The following AXL variants were observed in gnomAD, a reference collection of about 807,000 sequenced individuals.
The protein encoded by AXL is tyrosine-protein kinase receptor UFO.
Under a neutral mutation model 104.5 loss-of-function variants are expected in AXL, and 52 were observed. The observed-to-expected ratio is 0.50, with a 90% CI of 0.40 to 0.63. AXL has a LOEUF of 0.63. Ranked by LOEUF, AXL falls within the 20% of genes least tolerant of loss-of-function variation. The probability of loss-of-function intolerance (pLI) is 0.00; values close to 1 mark genes in which losing one functional copy is unlikely to be tolerated. For synonymous variants in AXL, 455 were observed against 473.7 expected (o/e 0.96, Z 0.51); for missense variants, 1,024 against 1,188.5 (o/e 0.86, Z 2.04).
chr19:41,226,495 T>C (rs2033884117), intron 4 of AXL, among the ~76,000 whole-genome samples: 1 of 152,198 alleles, frequency 6.6e-6, no homozygotes, highest in African/African-American at 2.4e-5. Flanking sequence ...AAGCCGCGAC[T>C]GAGGAGCTCC....
chr19:41,259,536 T>A lies in AXL; in HGVS notation c.2334-17T>A. On this transcript the variant is annotated splice_polypyrimidine_tract_variant and intron_variant, in intron 19 of 19. Coordinates refer to ENST00000301178, the MANE Select transcript of AXL (RefSeq NM_021913.5). ...GAGTCCCTGCTCAATCTCCCACCCCTCATTTTGCTGCCCTAGGTATGCCTT... is the reference window on the plus strand; with the variant it reads ...GAGTCCCTGCTCAATCTCCCACCCCACATTTTGCTGCCCTAGGTATGCCTT... 1 of 1,567,606 alleles carries A rather than the reference T, an allele frequency of 6.4e-7. No homozygotes were observed. The highest frequency in any genetic ancestry group is 8.7e-7 in the Non-Finnish European group (1 of 1,153,026).
At chr19:41,233,367 T>C (rs1453321705) in intron 6 of AXL, among the ~76,000 whole-genome samples, 1 of 151,478 alleles carries the variant, frequency 6.6e-6, no homozygotes, top group Admixed American at 6.6e-5. Context: ...CAACCCCATC[T>C]GCTTGTCGTT....
intron 17 of AXL, among the ~76,000 whole-genome samples, chr19:41,254,951 T>C (rs543118534): frequency 6.6e-6 from 1 of 152,322 alleles, no homozygotes; most frequent in East Asian, 1.9e-4. Flanking sequence ...CACTAAAATA[T>C]ACACATGCAG....
At chr19:41,230,877 G>T in intron 4 of AXL, 90 bp from the exon 5 acceptor site, 1 of 1,377,350 alleles carries the variant, frequency 7.3e-7, no homozygotes. Flanking sequence ...CCCCTGGTCA[G>T]GCAGGCCATG....
At chr19:41,248,490 T>C in intron 12 of AXL, 24 bp from the exon 13 acceptor site, 1 of 1,612,702 alleles carries the variant, frequency 6.2e-7, no homozygotes, top group South Asian at 1.1e-5. Flanking sequence ...TCCATGACTC[T>C]GTCCACCCCA....
intron 4 of AXL, among the ~76,000 whole-genome samples, chr19:41,228,428 C>T (rs908425551): frequency 2.0e-5 from 3 of 152,062 alleles, no homozygotes; most frequent in African/African-American, 7.3e-5. Context: ...GTGGCGCGCT[C>T]CTGTAATCCC....
chr19:41,224,541 C>T (rs1385408009), intron 4 of AXL, among the ~76,000 whole-genome samples: 2 of 152,096 alleles, frequency 1.3e-5, no homozygotes, highest in Admixed American at 1.3e-4. Flanking sequence ...TGCCACCATA[C>T]CCAGATAGTT....
intron 17 of AXL, among the ~76,000 whole-genome samples, chr19:41,255,515 A>G (rs750334803): frequency 6.6e-6 from 1 of 150,918 alleles, no homozygotes; most frequent in African/African-American, 2.4e-5. Context: ...ATCATAGCTC[A>G]CTGTAGCCTC....
At chr19:41,219,636 A>C (rs1568406610) in intron 1 of AXL, among the ~76,000 whole-genome samples, 159 bp downstream of exon 1, 1 of 151,770 alleles carries the variant, frequency 6.6e-6, no homozygotes, top group African/African-American at 2.4e-5. Flanking sequence ...ACACAGACTC[A>C]GAGACACCAA....
Position 41,222,009 on chromosome 19 carries a change from T to A in AXL, c.539T>A (p.Leu180Gln). The A allele has an allele frequency of 6.2e-7, 1 of 1,605,220 alleles. No homozygotes were observed. The highest frequency in any genetic ancestry group is 8.5e-7 in the Non-Finnish European group (1 of 1,176,714). Residue 180 changes from leucine to glutamine, a missense_variant, in exon 4 of 20, where the codon CTG becomes CAG. Leu to Gln is a moderately radical substitution (Grantham distance 113, BLOSUM62 -2). Coordinates refer to ENST00000301178, the MANE Select transcript of AXL (RefSeq NM_021913.5). ...DLLWLQDAVPLATAPGHGPQR... is the reference protein window; with the variant it reads ...DLLWLQDAVPQATAPGHGPQR... The stretch of plus-strand genomic sequence containing the variant: ...CTCTGGCTCCAGGATGCTGTCCCCC[T>A]GGCCACGGCTCCAGGTCACGGCCCC...
At chr19:41,258,956 C>T (rs1474858564) in intron 19 of AXL, among the ~76,000 whole-genome samples, 4 of 152,214 alleles carry the variant, frequency 2.6e-5, no homozygotes, top group Non-Finnish European at 5.9e-5. Context: ...AGGTGGCTTA[C>T]TCACATGGCT....
At position 41,219,330 on chromosome 19, in the gene AXL, C is replaced by T; in HGVS notation, c.-63C>T. 1.0e-5 allele frequency: 15 copies of T among 1,471,914 alleles called. No individual in the cohort carries two copies. Among genetic ancestry groups the T allele is most frequent in the Non-Finnish European group, 1.3e-5 (14 of 1,085,946 alleles). 91.2% of individuals were successfully genotyped at this position (1,471,914 alleles called of 1,614,324 possible). A position where few individuals can be genotyped will look rare whatever the true frequency, so the allele number is the denominator to read the frequency against. On this transcript the variant is annotated 5_prime_UTR_variant, in exon 1 of 20. Coordinates refer to ENST00000301178, the MANE Select transcript of AXL (RefSeq NM_021913.5). ...CTGGAGCTGGGGGGAGGGCCGGGGA[C>T]AGCCCGGCCCTGCCCCCTCCCCCGC...
rs532768963 is a variant in AXL, at chr19:41,219,461, G to A, written c.69G>A (p.Ala23=). 2.9e-5 allele frequency: 47 copies of A among 1,606,140 alleles called. No individual in the cohort carries two copies. The highest frequency in any genetic ancestry group is 1.9e-4 in the South Asian group (17 of 89,502). The change falls in exon 1 of 20, where the codon GCG becomes GCA. Residue 23 remains alanine (A), a synonymous_variant. Transcript: ENST00000301178. ...LAWCLALCGW[A]CMAPRGTQAE... ...GGTGCTTGGCGCTGTGCGGCTGGGC[G>A]TGCATGGCCCCCAGGGGTGAGTGAT...
At chr19:41,250,061 C>G (rs1309244907) in intron 14 of AXL, among the ~76,000 whole-genome samples, 1 of 152,194 alleles carries the variant, frequency 6.6e-6, no homozygotes, top group Non-Finnish European at 1.5e-5. Context: ...AGGCAAATGA[C>G]TTTCCCTCTC....
At chr19:41,226,921 C>A in intron 4 of AXL, 1 of 444,534 alleles carries the variant, frequency 2.2e-6, no homozygotes, top group Non-Finnish European at 3.0e-6. Flanking sequence ...TGGTGAGACT[C>A]TCCTCTTCTC....
In AXL at chr19:41,256,338, A is replaced by T. The variant is rs954824485; in HGVS notation, c.2037-114A>T. 6 of 1,268,582 alleles carry T rather than the reference A, an allele frequency of 4.7e-6. No homozygotes were observed. The African/African-American group carries it at 7.3e-5, about 16-fold the overall frequency. The allele number at this position is 1,268,582 out of a possible 1,614,324, so 78.6% of individuals were successfully genotyped here. A position where few individuals can be genotyped will look rare whatever the true frequency, so the allele number is the denominator to read the frequency against. On this transcript the variant is annotated intron_variant, in intron 17 of 19. Coordinates refer to ENST00000301178, the MANE Select transcript of AXL (RefSeq NM_021913.5). ...ATGAAGGTTTAGGAGACAGATCCCC[A>T]CCCGCAGCCAGGACAGTGAGGGGAG...
At chr19:41,258,178 G>A (rs993357472) in intron 19 of AXL, among the ~76,000 whole-genome samples, 2 of 152,222 alleles carry the variant, frequency 1.3e-5, no homozygotes, top group African/African-American at 4.8e-5. Context: ...GGTAAAGAGA[G>A]GATGACTTTG....
At position 41,243,613 on chromosome 19, in the gene AXL, C is replaced by CA; in HGVS notation, c.1446-2dup. The CA allele has an allele frequency of 1.2e-6, 2 of 1,613,750 alleles. No individual in the cohort carries two copies. The highest frequency in any genetic ancestry group is 1.7e-6 in the Non-Finnish European group (2 of 1,179,660). On this transcript the variant is annotated splice_polypyrimidine_tract_variant and splice_region_variant and intron_variant, in intron 11 of 19. Coordinates refer to ENST00000301178, the MANE Select transcript of AXL (RefSeq NM_021913.5). ...GCCCTCACCTACTCCCCCTCCCCCC[C>CA]AGAGAAGTGTTTGAACCAACAGTGG... is the stretch of plus-strand genomic sequence containing the variant.
chr19:41,246,923 A>G (rs1237043035), intron 12 of AXL, among the ~76,000 whole-genome samples: 1 of 152,146 alleles, frequency 6.6e-6, no homozygotes, highest in Non-Finnish European at 1.5e-5. Context: ...CTAGTCCTCA[A>G]TAATTCTAAC....
Sources: gnomAD v4.1 joint callset for allele counts (sites outside exome capture counted in the v4.1 genomes callset) on GRCh38, gnomAD v4.1.1 for gene constraint, MANE v1.5 for transcripts, NCBI Gene and HGNC (gene_info 2026-07-23, HGNC 2026-07-21) for gene names.